JAZF1: variants seen among roughly 807,000 people sequenced by gnomAD.
JAZF1 encodes the protein juxtaposed with another zinc finger protein 1.
In JAZF1, 8 loss-of-function variants were observed where a neutral mutation model predicts 26.4. The ratio of observed to expected loss-of-function variants is 0.30; its 90% CI spans 0.18 to 0.55. The LOEUF (loss-of-function observed/expected upper bound fraction) is 0.55, where lower values mean the gene tolerates loss of function less well. JAZF1 is among the 20% of genes least tolerant of loss of function. JAZF1 has a pLI of 0.94. For synonymous variants in JAZF1, 126 were observed against 122.3 expected (o/e 1.03, Z -0.20); for missense variants, 199 against 322.0 (o/e 0.62, Z 2.92).
chr7:28,022,487 A>C (rs554841973), intron 1 of JAZF1, among the ~76,000 whole-genome samples: 1 of 152,346 alleles, frequency 6.6e-6, no homozygotes, highest in South Asian at 2.1e-4. Flanking sequence ...AGGGGAAGAA[A>C]ATCTCTTCCT....
At chr7:28,000,622 C>CTTTTTTTT (rs1190147547) in intron 1 of JAZF1, among the ~76,000 whole-genome samples, 14 of 62,076 alleles carry the variant, frequency 2.3e-4, no homozygotes, top group South Asian at 6.8e-4. Context: ...TTCTTTCTTT[C>CTTTTTTTT]TTTTTTTTTT....
intron 1 of JAZF1, chr7:27,992,282 G>C (rs1271805287): frequency 8.2e-6 from 4 of 490,736 alleles, no homozygotes; most frequent in Admixed American, 2.5e-5. Flanking sequence ...TACAATGTTG[G>C]CATGGTTTTT....
At chr7:28,101,139 G>A (rs993935021) in intron 1 of JAZF1, among the ~76,000 whole-genome samples, 2 of 152,070 alleles carry the variant, frequency 1.3e-5, no homozygotes, top group African/African-American at 4.8e-5. Flanking sequence ...GATAACAATA[G>A]AGGCATTGGA....
chr7:28,015,505 G>A (rs1191666356), intron 1 of JAZF1, among the ~76,000 whole-genome samples: 1 of 152,160 alleles, frequency 6.6e-6, no homozygotes, highest in African/African-American at 2.4e-5. Flanking sequence ...TAAAAAGTTT[G>A]TTTAAAACAA....
At chr7:27,992,935 A>T (rs975101640) in intron 1 of JAZF1, among the ~76,000 whole-genome samples, 1 of 152,204 alleles carries the variant, frequency 6.6e-6, no homozygotes, top group African/African-American at 2.4e-5. Flanking sequence ...GGAAGTGTTT[A>T]CTGCACATGG....
intron 2 of JAZF1, among the ~76,000 whole-genome samples, chr7:27,954,075 T>C (rs1785049686): frequency 6.6e-6 from 1 of 152,226 alleles, no homozygotes. Context: ...AGTTAGTCTG[T>C]CTAGGAACCA....
At chr7:27,885,239 T>A (rs1783837739) in intron 3 of JAZF1, among the ~76,000 whole-genome samples, 1 of 152,252 alleles carries the variant, frequency 6.6e-6, no homozygotes, top group African/African-American at 2.4e-5. Context: ...TGGCTGGGCC[T>A]ATGTGGGCAC....
chr7:27,996,942 G>A (rs1786029706), intron 1 of JAZF1, among the ~76,000 whole-genome samples: 1 of 152,184 alleles, frequency 6.6e-6, no homozygotes, highest in South Asian at 2.1e-4. Context: ...GCTTCATCAA[G>A]GGTATTTGTT....
At chr7:28,141,539 T>C (rs772975887) in intron 1 of JAZF1, among the ~76,000 whole-genome samples, 3 of 152,194 alleles carry the variant, frequency 2.0e-5, no homozygotes, top group Non-Finnish European at 4.4e-5. Context: ...TAAGATCAAA[T>C]TAGATGTTTT....
intron 1 of JAZF1, among the ~76,000 whole-genome samples, chr7:28,102,584 C>A (rs544547987): frequency 1.7e-5 from 1 of 60,528 alleles, no homozygotes; most frequent in Admixed American, 2.3e-4. Context: ...ATATTTAGCA[C>A]AAATTCATTT....
At chr7:27,874,811 G>A (rs959066128) in intron 3 of JAZF1, among the ~76,000 whole-genome samples, 1 of 152,164 alleles carries the variant, frequency 6.6e-6, no homozygotes. Context: ...GGGTGGGAAG[G>A]CTGGTCAATA....
intron 2 of JAZF1, among the ~76,000 whole-genome samples, chr7:27,972,792 C>T (rs1785396968): frequency 6.6e-6 from 1 of 151,680 alleles, no homozygotes; most frequent in Non-Finnish European, 1.5e-5. Context: ...CTCTATTGAC[C>T]TGGAAGGATG....
intron 1 of JAZF1, among the ~76,000 whole-genome samples, chr7:28,150,918 G>A (rs183959720): frequency 2.0e-4 from 30 of 152,244 alleles, no homozygotes; most frequent in Admixed American, 1.5e-3. Flanking sequence ...GATAGGTAAC[G>A]CCATTAAAAA....
intron 2 of JAZF1, among the ~76,000 whole-genome samples, chr7:27,962,314 T>C (rs1169294234): frequency 6.6e-6 from 1 of 152,176 alleles, no homozygotes; most frequent in Non-Finnish European, 1.5e-5. Flanking sequence ...GTAAAAGTGA[T>C]CATAGTAATA....
intron 1 of JAZF1, among the ~76,000 whole-genome samples, chr7:28,064,119 A>T (rs892238682): frequency 5.9e-5 from 9 of 151,864 alleles, no homozygotes; most frequent in Admixed American, 1.3e-4. Flanking sequence ...TAATTTAAAA[A>T]ATATATATAT....
intron 1 of JAZF1, among the ~76,000 whole-genome samples, chr7:28,099,182 T>C (rs1784428857): frequency 6.6e-6 from 1 of 152,230 alleles, no homozygotes; most frequent in African/African-American, 2.4e-5. Flanking sequence ...TAGTGTACTT[T>C]GTTCAAATGT....
intron 3 of JAZF1, among the ~76,000 whole-genome samples, chr7:27,878,651 C>T (rs1279383938): frequency 1.3e-5 from 2 of 152,084 alleles, no homozygotes; most frequent in African/African-American, 4.8e-5. Flanking sequence ...GGGAGGAGTT[C>T]GGGGCAGTAA....
intron 1 of JAZF1, among the ~76,000 whole-genome samples, chr7:28,001,007 CTT>C: frequency 6.6e-6 from 1 of 152,046 alleles, no homozygotes; most frequent in East Asian, 1.9e-4. Context: ...TTAGGGGAAA[CTT>C]TAAGTCAGTA....
chr7:27,846,029 G>A (rs138801703), intron 3 of JAZF1, among the ~76,000 whole-genome samples: 2 of 152,052 alleles, frequency 1.3e-5, no homozygotes, highest in Non-Finnish European at 2.9e-5. Flanking sequence ...TGGGGGTCCA[G>A]AGGAAAGCTT....
Sources: gnomAD v4.1 joint callset for allele counts (sites outside exome capture counted in the v4.1 genomes callset) on GRCh38, gnomAD v4.1.1 for gene constraint, MANE v1.5 for transcripts, NCBI Gene and HGNC (gene_info 2026-07-23, HGNC 2026-07-21) for gene names.